JAG2: variants seen among roughly 807,000 people sequenced by gnomAD.
The protein encoded by JAG2 is jagged canonical Notch ligand 2.
In JAG2, 46 loss-of-function variants were observed where a neutral mutation model predicts 141.7. The observed-to-expected ratio is 0.32, with a 90% CI of 0.26 to 0.42. JAG2 has a LOEUF of 0.42. Ranked by LOEUF, JAG2 falls within the 10% of genes least tolerant of loss-of-function variation. The pLI is 1.00. For missense variants in JAG2, 1,500 were observed against 1,817.5 expected (o/e 0.83, Z 3.18); for synonymous variants, 862 against 763.5 (o/e 1.13, Z -2.13).
intron 7 of JAG2, 44 bp from the exon 8 acceptor site, chr14:105,151,783 C>T (rs1888441078): frequency 2.5e-6 from 4 of 1,600,200 alleles, no homozygotes; most frequent in Non-Finnish European, 3.4e-6. Context: ...GCCAGGCCCC[C>T]AGCTTTCCAC....
intron 2 of JAG2, among the ~76,000 whole-genome samples, chr14:105,163,311 G>A (rs1024926807): frequency 6.6e-6 from 1 of 152,184 alleles, no homozygotes; most frequent in Admixed American, 6.5e-5. Flanking sequence ...CGCAGCAGGA[G>A]GAGCAGACCA....
rs758589107 is a variant in JAG2, at chr14:105,148,448, G to A, written c.2021-9C>T. 6.9e-6 allele frequency: 11 copies of A among 1,605,060 alleles called. No homozygotes were observed. Among genetic ancestry groups the A allele is most frequent in the Admixed American group, 3.3e-5 (2 of 59,838 alleles). ...AAGGCAGTCGTTGGGATCTGGGGGC[G>A]AGGACGCCGGTCAGCGGGCGGGGGG... On this transcript the variant is annotated splice_polypyrimidine_tract_variant and intron_variant, in intron 15 of 25. Coordinates refer to ENST00000331782, the MANE Select transcript of JAG2 (RefSeq NM_002226.5).
Position 105,148,782 on chromosome 14 carries a change from G to A in JAG2, c.1983C>T (p.Phe661=). 5.0e-6 allele frequency: 8 copies of A among 1,591,680 alleles called. No homozygotes were observed. Among genetic ancestry groups the A allele is most frequent in the Non-Finnish European group, 6.8e-6 (8 of 1,169,658 alleles). ...CIDEVDAFRC[F]CPSGWEGELC... ...GCTCGCCCTCCCAGCCGCTGGGGCA[G>A]AAGCAGCGGAAGGCGTCCACCTCAT... The change falls in exon 15 of 26, where the codon TTC becomes TTT. Residue 661 remains phenylalanine (F), a synonymous_variant. Coordinates refer to ENST00000331782, the MANE Select transcript of JAG2 (RefSeq NM_002226.5).
In JAG2 at chr14:105,168,499, CCCGCCCGCCCT is replaced by C. The variant is rs1277810667; in HGVS notation, c.-90_-80del. ...CAGCCGCCGCGCCGGCCTCCCAGCGCCCGCCCGCCCTCCGAGCGCCCGCAGAGGCAGCGGCA... is the reference window on the plus strand; with the variant it reads ...CAGCCGCCGCGCCGGCCTCCCAGCGCCCGAGCGCCCGCAGAGGCAGCGGCA... On this transcript the variant is annotated 5_prime_UTR_variant, in exon 1 of 26. Coordinates refer to ENST00000331782, the MANE Select transcript of JAG2 (RefSeq NM_002226.5). 6.9e-6 allele frequency: 2 copies of C among 290,186 alleles called. No homozygotes were observed. Among genetic ancestry groups the C allele is most frequent in the African/African-American group, 4.6e-5 (2 of 43,250 alleles). 18.0% of individuals were successfully genotyped at this position (290,186 alleles called of 1,614,324 possible).
At position 105,155,636 on chromosome 14, in the gene JAG2, G is replaced by T. The variant is rs369511585; in HGVS notation, c.728-14C>A. 3 of 1,612,538 alleles carry T rather than the reference G, an allele frequency of 1.9e-6. No homozygotes were observed. The highest frequency in any genetic ancestry group is 2.5e-6 in the Non-Finnish European group (3 of 1,179,904). ...GTTTACACACAGCTGCGAACAGAGA[G>T]GAGCGAGAGGCACAGCTGCAGCCAG... is the stretch of plus-strand genomic sequence containing the variant. On this transcript the variant is annotated splice_polypyrimidine_tract_variant and intron_variant, in intron 4 of 25. Coordinates refer to ENST00000331782, the MANE Select transcript of JAG2 (RefSeq NM_002226.5).
chr14:105,143,602 G>T lies in JAG2; in HGVS notation c.3121C>A (p.Leu1041Met). The change falls in exon 25 of 26, where the codon CTG (leucine) becomes ATG (methionine). Residue 1041 changes from leucine to methionine, a missense_variant. Physicochemically the swap from Leu to Met is conservative, Grantham distance 15. Coordinates refer to ENST00000331782, the MANE Select transcript of JAG2 (RefSeq NM_002226.5). ...ATGGCGTGGGCCGCGCCCTGGATCA[G>T]GCTGCTGTCAGGCAGGTCCCTGGCA... ...SPARDLPDSS[L>M]IQGAAHAIVA... The T allele has an allele frequency of 6.2e-6, 10 of 1,608,414 alleles. 1 individual carries two copies. The highest frequency in any genetic ancestry group is 7.6e-6 in the Non-Finnish European group (9 of 1,179,616).
chr14:105,163,940 C>T (rs1197903321), intron 2 of JAG2, among the ~76,000 whole-genome samples: 3 of 152,102 alleles, frequency 2.0e-5, no homozygotes, highest in Non-Finnish European at 4.4e-5. Context: ...TTCCTGCCCC[C>T]ACTCCACCAC....
chr14:105,143,516 CT>C lies in JAG2; in HGVS notation c.3206del (p.Lys1069ArgfsTer301). 1 of 1,577,320 alleles carries C rather than the reference CT, an allele frequency of 6.3e-7. No individual in the cohort carries two copies. On this transcript the variant is annotated frameshift_variant, in exon 25 of 26. Coordinates refer to ENST00000331782, the MANE Select transcript of JAG2 (RefSeq NM_002226.5). LOFTEE classifies it low-confidence loss of function (END_TRUNC). ...AGCCGCCCGTAACAACCGTCTCCAC[CT>C]TGACCTCGGTGACAGCCAGGAGCAG... ...SSLLLAVTEVKVETVVTGGSS... is the reference protein window; with the variant it reads ...SSLLLAVTEVXVETVVTGGSS...
intron 2 of JAG2, among the ~76,000 whole-genome samples, chr14:105,158,499 G>A (rs2140987802): frequency 6.6e-6 from 1 of 152,262 alleles, no homozygotes; most frequent in East Asian, 1.9e-4. Flanking sequence ...TTGTACCCCA[G>A]CCATGGCGAC....
At chr14:105,146,348 C>T (rs1595173585) in intron 22 of JAG2, 37 bp downstream of exon 22, 1 of 1,564,742 alleles carries the variant, frequency 6.4e-7, no homozygotes, top group East Asian at 2.2e-5. Flanking sequence ...GTGCACCAGC[C>T]TCGGGTAGGG....
intron 2 of JAG2, among the ~76,000 whole-genome samples, chr14:105,158,930 G>C (rs587640229): frequency 2.6e-5 from 4 of 152,052 alleles, no homozygotes; most frequent in South Asian, 2.1e-4. Flanking sequence ...TCCCCAGCAA[G>C]GCCCAACCCC....
At chr14:105,168,310 G>A in intron 1 of JAG2, 45 bp downstream of exon 1, 2 of 724,730 alleles carry the variant, frequency 2.8e-6, no homozygotes, top group South Asian at 4.2e-5. Context: ...GGGCGGCCCG[G>A]TGTGCCCCGT....
intron 1 of JAG2, 28 bp from the exon 2 acceptor site, chr14:105,168,135 G>A (rs780695127): frequency 4.1e-6 from 6 of 1,479,478 alleles, no homozygotes; most frequent in African/African-American, 1.5e-5. Flanking sequence ...GGAGAGCGGA[G>A]GGAGGCGCGG....
In JAG2 at chr14:105,167,633, C is replaced by T. The variant is rs1224354756; in HGVS notation, c.417+124G>A. 4 of 1,138,246 alleles carry T rather than the reference C, an allele frequency of 3.5e-6. No individual in the cohort carries two copies. Among genetic ancestry groups the T allele is most frequent in the African/African-American group, 1.6e-5 (1 of 60,702 alleles). The allele number at this position is 1,138,246 out of a possible 1,614,324, so 70.5% of individuals were successfully genotyped here. On this transcript the variant is annotated intron_variant, in intron 2 of 25. Coordinates refer to ENST00000331782, the MANE Select transcript of JAG2 (RefSeq NM_002226.5). The surrounding 1 kb of genome is among the most constrained non-coding windows in gnomAD (Gnocchi z 4.8). ...AGCACGCGCCCCCTGCCGGCCCCGC[C>T]CCGCCTGGGCGCGCGCGGCTCGCAC...
Position 105,167,334 on chromosome 14 carries a change from G to C in JAG2, c.417+423C>G, listed in dbSNP as rs1324215685. ...CAGGCATCCAGGAAACTGCAGGGCAGGCGCAGGCTGGCCACGGGCCCGGGG... is the reference window on the plus strand; with the variant it reads ...CAGGCATCCAGGAAACTGCAGGGCACGCGCAGGCTGGCCACGGGCCCGGGG... On this transcript the variant is annotated intron_variant, in intron 2 of 25. Transcript: ENST00000331782. This position sits in a 1 kb window ranked among gnomAD's most constrained non-coding sequence, Gnocchi z 4.8. 1.3e-5 allele frequency among the ~76,000 whole-genome samples: 2 copies of C among 152,106 alleles called. No individual in the cohort carries two copies. Among genetic ancestry groups the C allele is most frequent in the Non-Finnish European group, 2.9e-5 (2 of 67,996 alleles).
At position 105,166,263 on chromosome 14, in the gene JAG2, A is replaced by G. The variant is rs150946275; in HGVS notation, c.417+1494T>C. On this transcript the variant is annotated intron_variant, in intron 2 of 25. Transcript: ENST00000331782. ...GGGCGGACACGCGATAGCCCGCCAC[A>G]TTCCTCCAAGACCTCCCTGCCCCCA... Among the ~76,000 whole-genome samples the G allele has an allele frequency of 3.4e-3, 515 of 152,364 alleles. 2 individuals are homozygous for G. Among genetic ancestry groups the G allele is most frequent in the African/African-American group, 0.01 (422 of 41,588 alleles).
At chr14:105,144,574 G>A (rs1336776141) in intron 24 of JAG2, among the ~76,000 whole-genome samples, 2 of 152,190 alleles carry the variant, frequency 1.3e-5, no homozygotes, top group African/African-American at 4.8e-5. Context: ...CCCAGGTCCA[G>A]GGCAGGTGCC....
intron 2 of JAG2, among the ~76,000 whole-genome samples, chr14:105,163,303 C>A (rs1888812869): frequency 6.6e-6 from 1 of 152,168 alleles, no homozygotes; most frequent in Non-Finnish European, 1.5e-5. Context: ...CCCAGGGCCG[C>A]AGCAGGAGGA....
Position 105,151,686 on chromosome 14 carries a change from C to A in JAG2, c.1093G>T (p.Val365Leu), listed in dbSNP as rs1888437065. 6.2e-7 allele frequency: 1 copy of A among 1,611,558 alleles called. No individual in the cohort carries two copies. The highest frequency in any genetic ancestry group is 1.1e-5 in the South Asian group (1 of 90,680). Residue 365 changes from valine to leucine, a missense_variant, in exon 8 of 26, where the codon GTG (valine) becomes TTG (leucine). Transcript: ENST00000331782. ...PCANGGSCHE[V>L]PSGFECHCPS... Reference sequence around the variant, plus strand: ...CAGTGGCATTCGAAGCCGGACGGCACCTCATGGCAAGAGCCCCCGTTGGCA... The same window carrying A: ...CAGTGGCATTCGAAGCCGGACGGCAACTCATGGCAAGAGCCCCCGTTGGCA...
Sources: gnomAD v4.1 joint callset for allele counts (sites outside exome capture counted in the v4.1 genomes callset) on GRCh38, gnomAD v4.1.1 for gene constraint, Gnocchi (gnomAD v3.1) non-coding constraint, MANE v1.5 for transcripts, NCBI Gene and HGNC (gene_info 2026-07-23, HGNC 2026-07-21) for gene names.